SDK1: variants seen among roughly 807,000 people sequenced by gnomAD.
SDK1 encodes the protein sidekick cell adhesion molecule 1.
A neutral mutation model predicts 245.5 loss-of-function variants in SDK1; 157 were observed. That is an observed-to-expected ratio of 0.64 (90% confidence interval 0.56 to 0.73). The LOEUF is 0.73. Among genes scored for constraint, SDK1 ranks in the 30% least tolerant of loss-of-function variants. The pLI, the probability that SDK1 is intolerant of heterozygous loss-of-function variation, is 0.00. For synonymous variants in SDK1, 1,647 were observed against 1,278.5 expected, an observed-to-expected ratio of 1.29 and a Z score of -6.15; for missense variants, 3,583 against 3,002.3, an observed-to-expected ratio of 1.19 and a Z score of -4.52.
At chr7:3,467,730 A>T (rs1290905724) in intron 1 of SDK1, among the ~76,000 whole-genome samples, 2 of 152,158 alleles carry the variant, frequency 1.3e-5, no homozygotes, top group African/African-American at 4.8e-5. Context: ...AAATTGAGAT[A>T]AAATTAAAGG....
intron 14 of SDK1, among the ~76,000 whole-genome samples, chr7:4,005,247 A>T (rs1223664373): frequency 1.3e-5 from 2 of 151,564 alleles, no homozygotes; most frequent in Non-Finnish European, 2.9e-5. Context: ...GGGTTTTACC[A>T]TGTTGGCCAG....
At chr7:4,125,303 G>A (rs1784320060) in intron 25 of SDK1, among the ~76,000 whole-genome samples, 1 of 149,546 alleles carries the variant, frequency 6.7e-6, no homozygotes, top group African/African-American at 2.5e-5. Context: ...ATGGATGGAG[G>A]AATGAATCGA....
At chr7:3,946,001 T>C (rs1007285984) in intron 5 of SDK1, among the ~76,000 whole-genome samples, 16 of 145,078 alleles carry the variant, frequency 1.1e-4, no homozygotes, top group Admixed American at 8.6e-4. Context: ...AAGAAGCATG[T>C]TGAATCAATC....
intron 1 of SDK1, among the ~76,000 whole-genome samples, chr7:3,388,197 G>A (rs1583783378): frequency 6.6e-6 from 1 of 152,016 alleles, no homozygotes; most frequent in East Asian, 1.9e-4. Flanking sequence ...ATGGGATAAG[G>A]TTCACTGTTA....
At chr7:3,942,783 C>G (rs1450357052) in intron 5 of SDK1, among the ~76,000 whole-genome samples, 1 of 152,164 alleles carries the variant, frequency 6.6e-6, no homozygotes, top group East Asian at 1.9e-4. Flanking sequence ...TGTTTTTAAT[C>G]TTAGAATTTG....
At chr7:3,703,770 A>G (rs1010531959) in intron 4 of SDK1, among the ~76,000 whole-genome samples, 2 of 152,216 alleles carry the variant, frequency 1.3e-5, no homozygotes, top group Non-Finnish European at 2.9e-5. Flanking sequence ...GACTTCTCCA[A>G]TGTCCTTCAA....
intron 1 of SDK1, among the ~76,000 whole-genome samples, chr7:3,514,014 C>G (rs1782657984): frequency 6.6e-6 from 1 of 152,016 alleles, no homozygotes; most frequent in Non-Finnish European, 1.5e-5. Context: ...CTACCATGTT[C>G]TCTTTATTCA....
intron 1 of SDK1, among the ~76,000 whole-genome samples, chr7:3,307,871 T>C (rs1779457653): frequency 6.6e-6 from 1 of 152,196 alleles, no homozygotes; most frequent in African/African-American, 2.4e-5. Flanking sequence ...ACTCTGATTC[T>C]CTGATCTTCT....
chr7:3,530,323 C>T (rs1783299863), intron 1 of SDK1, among the ~76,000 whole-genome samples: 1 of 152,100 alleles, frequency 6.6e-6, no homozygotes, highest in Non-Finnish European at 1.5e-5. Flanking sequence ...AGATGTTCCT[C>T]CCACCCCCCG....
intron 1 of SDK1, among the ~76,000 whole-genome samples, chr7:3,600,560 T>TTG (rs1425595632): frequency 2.7e-5 from 4 of 147,934 alleles, no homozygotes; most frequent in Non-Finnish European, 6.0e-5. Flanking sequence ...AGTTTTTTTT[T>TTG]TTTTTTTTTT....
intron 4 of SDK1, among the ~76,000 whole-genome samples, chr7:3,794,905 T>A (rs1035768290): frequency 6.6e-6 from 1 of 151,628 alleles, no homozygotes; most frequent in Non-Finnish European, 1.5e-5. Flanking sequence ...AAACTTGGCC[T>A]TTAAGAAAAT....
chr7:3,987,225 T>A lies in SDK1; in HGVS notation c.2034T>A (p.Pro678=), dbSNP rs776422529. Residue 678 remains proline (P), a synonymous_variant, in exon 14 of 45, where the codon CCT becomes CCA. Coordinates refer to ENST00000404826, the MANE Select transcript of SDK1 (RefSeq NM_152744.4). ...CACCTCAGAACCTCCTGGTCAGCCC[T>A]AATTCTTCCCACAGCCACGCCGTGG... The part of the protein sequence containing the change: ...PHSPQNLLVS[P]NSSHSHAVVL... 26 of 1,614,068 alleles carry A rather than the reference T, an allele frequency of 1.6e-5. No homozygotes were observed. Among genetic ancestry groups the A allele is most frequent in the Non-Finnish European group, 2.2e-5 (26 of 1,180,018 alleles).
In SDK1 at chr7:3,822,646, T is replaced by G. The variant is rs1779674270; in HGVS notation, c.847+1063T>G. 2.0e-5 allele frequency among the ~76,000 whole-genome samples: 3 copies of G among 152,046 alleles called. No individual in the cohort carries two copies. In the South Asian group the frequency reaches 6.2e-4, roughly 32 times the overall value. ...TAGCAGGCATGGTGGTATGCACCTG[T>G]AATTCCAGCTACAGGGGAGGCTGAG... On this transcript the variant is annotated intron_variant, in intron 5 of 44. Transcript: ENST00000404826.
chr7:3,613,032 C>T (rs1372713571), intron 1 of SDK1, among the ~76,000 whole-genome samples: 1 of 152,020 alleles, frequency 6.6e-6, no homozygotes, highest in East Asian at 1.9e-4. Flanking sequence ...TGATGATTAT[C>T]CTAGTGGAAG....
At chr7:3,589,747 A>T (rs928447976) in intron 1 of SDK1, among the ~76,000 whole-genome samples, 1 of 152,160 alleles carries the variant, frequency 6.6e-6, no homozygotes, top group African/African-American at 2.4e-5. Context: ...CACCCCCATG[A>T]TTCGATTGCC....
chr7:3,329,194 C>T (rs1314776296), intron 1 of SDK1, among the ~76,000 whole-genome samples: 1 of 152,052 alleles, frequency 6.6e-6, no homozygotes, highest in Non-Finnish European at 1.5e-5. Context: ...TTACATTTTG[C>T]AGATAATGGT....
intron 38 of SDK1, among the ~76,000 whole-genome samples, chr7:4,215,981 C>T (rs767449456): frequency 1.3e-5 from 2 of 152,146 alleles, no homozygotes; most frequent in Non-Finnish European, 2.9e-5. Context: ...GGGCTTCAGA[C>T]CACTCCCATC....
Position 4,245,714 on chromosome 7 carries a change from C to T in SDK1, c.6290C>T (p.Ser2097Leu). The change falls in exon 44 of 45, where the codon TCA (serine) becomes TTA (leucine). Residue 2097 changes from serine to leucine, a missense_variant. Ser to Leu is a moderately radical substitution (Grantham distance 145). Transcript: ENST00000404826. ...CCTAGCCCCGGCGGCCTGCACTACTCAGACGAGGACATCTGCAACAAGTAC... is the reference window on the plus strand; with the variant it reads ...CCTAGCCCCGGCGGCCTGCACTACTTAGACGAGGACATCTGCAACAAGTAC... ...PRPSPGGLHY[S>L]DEDICNKYNG... The T allele has an allele frequency of 6.2e-7, 1 of 1,614,118 alleles. No homozygotes were observed. The highest frequency in any genetic ancestry group is 8.5e-7 in the Non-Finnish European group (1 of 1,180,014).
rs535903687 is a variant in SDK1, at chr7:3,431,811, G to A, written c.298+129927G>A. 5.3e-5 allele frequency among the ~76,000 whole-genome samples: 8 copies of A among 152,112 alleles called. 1 individual carries two copies. Among genetic ancestry groups the A allele is most frequent in the African/African-American group, 1.9e-4 (8 of 41,508 alleles). On this transcript the variant is annotated intron_variant, in intron 1 of 44. Transcript: ENST00000404826. ...TGGGATCTACCTGATAGAAACATAG[G>A]TGCATTCATATGTGAGCAAACTGAA...
Sources: gnomAD v4.1 joint callset for allele counts (sites outside exome capture counted in the v4.1 genomes callset) on GRCh38, gnomAD v4.1.1 for gene constraint, MANE v1.5 for transcripts, NCBI Gene and HGNC (gene_info 2026-07-23, HGNC 2026-07-21) for gene names.